The following TMPRSS15 variants were observed in gnomAD, a reference collection of about 807,000 sequenced individuals.
TMPRSS15 encodes enteropeptidase.
Under a neutral mutation model 125.3 loss-of-function variants are expected in TMPRSS15, and 128 were observed. The ratio of observed to expected loss-of-function variants is 1.02; its 90% confidence interval spans 0.89 to 1.18. TMPRSS15 has a LOEUF of 1.18. Among genes scored for constraint, TMPRSS15 ranks in the 50% most tolerant of loss-of-function variants. The probability of loss-of-function intolerance (pLI) is 0.00; values close to 1 mark genes in which losing one functional copy is unlikely to be tolerated. For missense variants in TMPRSS15, 1,283 were observed against 1,212.7 expected (o/e 1.06, Z -0.86); for synonymous variants, 446 against 423.2 (o/e 1.05, Z -0.66).
In TMPRSS15 at chr21:18,294,670, T is replaced by C; in HGVS notation, c.2262-18A>G. Reference sequence around the variant, plus strand: ...ACTGTTGACTGTAATAGAAGAACAATCATATTTTTAAAATTATGCATTTAA... The same window carrying C: ...ACTGTTGACTGTAATAGAAGAACAACCATATTTTTAAAATTATGCATTTAA... On this transcript the variant is annotated intron_variant, in intron 19 of 24. Coordinates refer to ENST00000284885, the MANE Select transcript of TMPRSS15 (RefSeq NM_002772.3). 6.2e-7 allele frequency: 1 copy of C among 1,602,730 alleles called. No homozygotes were observed. Among genetic ancestry groups the C allele is most frequent in the Non-Finnish European group, 8.5e-7 (1 of 1,169,930 alleles).
At chr21:18,417,566 T>C (rs2076183200) in intron 1 of TMPRSS15, among the ~76,000 whole-genome samples, 1 of 152,216 alleles carries the variant, frequency 6.6e-6, no homozygotes, top group Non-Finnish European at 1.5e-5. Flanking sequence ...TTAGTATCTA[T>C]GCTGAACAAG....
intron 18 of TMPRSS15, among the ~76,000 whole-genome samples, chr21:18,304,712 A>G (rs971917488): frequency 6.6e-6 from 1 of 152,202 alleles, no homozygotes; most frequent in African/African-American, 2.4e-5. Context: ...TTGATATTAC[A>G]GTGGTCATTA....
intron 14 of TMPRSS15, among the ~76,000 whole-genome samples, chr21:18,330,971 G>A (rs1430916467): frequency 6.6e-6 from 1 of 150,612 alleles, no homozygotes; most frequent in African/African-American, 2.4e-5. Flanking sequence ...TACTCGGGAG[G>A]CCAAGGCAGG....
chr21:18,341,331 G>A (rs761213432), intron 13 of TMPRSS15, 82 bp downstream of exon 13: 100 of 1,565,298 alleles, frequency 6.4e-5, no homozygotes, highest in Admixed American at 1.3e-4. Flanking sequence ...TCAGCCTCCC[G>A]AAGTGCTGGA....
intron 1 of TMPRSS15, among the ~76,000 whole-genome samples, chr21:18,424,883 T>C (rs369387982): frequency 1.5e-4 from 23 of 149,488 alleles, no homozygotes; most frequent in Admixed American, 4.0e-4. Flanking sequence ...TAAGAGAATA[T>C]ATGTATTCAT....
At chr21:18,314,773 G>T (rs2075143473) in intron 17 of TMPRSS15, among the ~76,000 whole-genome samples, 1 of 152,156 alleles carries the variant, frequency 6.6e-6, no homozygotes, top group Admixed American at 6.5e-5. Flanking sequence ...TGAACTATAA[G>T]TAAGCACACA....
intron 24 of TMPRSS15, among the ~76,000 whole-genome samples, chr21:18,271,429 T>C (rs2074554589): frequency 6.6e-6 from 1 of 152,130 alleles, no homozygotes; most frequent in Non-Finnish European, 1.5e-5. Flanking sequence ...ACCCAGAACA[T>C]ACTGGGTCGG....
chr21:18,463,284 G>T (rs1335220924), intron 1 of TMPRSS15, among the ~76,000 whole-genome samples: 2 of 146,408 alleles, frequency 1.4e-5, no homozygotes, highest in Non-Finnish European at 3.0e-5. Flanking sequence ...AAAAGCCGGG[G>T]GTGGGGAGGG....
intron 3 of TMPRSS15, among the ~76,000 whole-genome samples, chr21:18,391,717 G>T (rs571439322): frequency 3.9e-5 from 6 of 152,266 alleles, no homozygotes; most frequent in African/African-American, 1.4e-4. Flanking sequence ...GTCAGCCCAG[G>T]GGGGACTCTG....
chr21:18,385,069 G>C (rs980487960), intron 3 of TMPRSS15, among the ~76,000 whole-genome samples: 1 of 152,060 alleles, frequency 6.6e-6, no homozygotes, highest in African/African-American at 2.4e-5. Flanking sequence ...TTTTTAAAAT[G>C]AACAAGATGA....
chr21:18,449,029 C>T lies in TMPRSS15; in HGVS notation c.10+36770G>A, dbSNP rs562097307. On this transcript the variant is annotated intron_variant, in intron 1 of 7. Coordinates refer to the TMPRSS15 transcript ENST00000422787. ...ATGAATCCACTTAGTAAATAATGAA[C>T]AGATGTTCTACTAATCAAACTATAC... Among the ~76,000 whole-genome samples, 53 of 152,146 alleles carry T rather than the reference C, an allele frequency of 3.5e-4. 1 individual carries two copies. Among genetic ancestry groups the T allele is most frequent in the African/African-American group, 1.3e-3 (53 of 41,520 alleles).
intron 10 of TMPRSS15, among the ~76,000 whole-genome samples, chr21:18,349,571 C>T (rs1326014288): frequency 6.6e-6 from 1 of 152,284 alleles, no homozygotes; most frequent in South Asian, 2.1e-4. Flanking sequence ...AATTCTCTTT[C>T]ATTTCAGAGA....
chr21:18,321,459 T>G (rs1031994257), intron 16 of TMPRSS15, among the ~76,000 whole-genome samples: 1 of 147,068 alleles, frequency 6.8e-6, no homozygotes, highest in Non-Finnish European at 1.5e-5. Flanking sequence ...TTCACGCCAT[T>G]CTCCTGCCTC....
intron 1 of TMPRSS15, among the ~76,000 whole-genome samples, chr21:18,440,372 C>CAAAAAAAAAAAAAAAAA (rs539968323): frequency 5.9e-4 from 28 of 47,378 alleles, no homozygotes; most frequent in African/African-American, 1.4e-3. Flanking sequence ...AACTCCGTCT[C>CAAAAAAAAAAAAAAAAA]AAAAAAAAAA....
intron 1 of TMPRSS15, among the ~76,000 whole-genome samples, chr21:18,447,020 T>A (rs1404068883): frequency 6.6e-6 from 1 of 152,198 alleles, no homozygotes; most frequent in African/African-American, 2.4e-5. Flanking sequence ...ATAAACTATT[T>A]GCAATCTGTA....
At chr21:18,478,632 C>T (rs1978923744) in intron 1 of TMPRSS15, among the ~76,000 whole-genome samples, 1 of 151,976 alleles carries the variant, frequency 6.6e-6, no homozygotes, top group Admixed American at 6.6e-5. Context: ...TGTCATGTCT[C>T]TCCAGTCTCC....
intron 7 of TMPRSS15, among the ~76,000 whole-genome samples, chr21:18,361,578 A>G (rs2075680230): frequency 6.6e-6 from 1 of 152,182 alleles, no homozygotes; most frequent in Non-Finnish European, 1.5e-5. Context: ...ACCAGCAGTA[A>G]TGTGGCCAAT....
At chr21:18,309,741 G>T (rs1363242225) in intron 18 of TMPRSS15, among the ~76,000 whole-genome samples, 1 of 152,024 alleles carries the variant, frequency 6.6e-6, no homozygotes, top group African/African-American at 2.4e-5. Flanking sequence ...ACCATCTCAC[G>T]CCAGTTAGAA....
intron 18 of TMPRSS15, among the ~76,000 whole-genome samples, chr21:18,310,480 A>G (rs11088673): frequency 0.4 from 60,569 of 151,754 alleles, 13,138 homozygotes; most frequent in East Asian, 0.57. Flanking sequence ...AAAAACAAAC[A>G]CCTAGAAATA....
Sources: allele counts gnomAD v4.1 joint callset (sites outside exome capture counted in the v4.1 genomes callset), GRCh38; gene constraint gnomAD v4.1.1; transcripts MANE v1.5; gene names NCBI Gene and HGNC (gene_info 2026-07-23, HGNC 2026-07-21).